GADL1: variants seen among roughly 807,000 people sequenced by gnomAD.
GADL1 encodes the protein GAD like acidic amino acid decarboxylase 1.
In GADL1, 71 loss-of-function variants were observed where a neutral mutation model predicts 69.5. That is an observed-to-expected ratio of 1.02 (90% CI 0.84 to 1.25). The LOEUF (loss-of-function observed/expected upper bound fraction) is 1.25, where lower values mean the gene tolerates loss of function less well. Among genes scored for constraint, GADL1 ranks in the 50% most tolerant of loss-of-function variants. The pLI is 0.00. For synonymous variants in GADL1, 254 were observed against 214.4 expected, an observed-to-expected ratio of 1.18 and a Z score of -1.62; for missense variants, 737 against 631.8, an observed-to-expected ratio of 1.17 and a Z score of -1.79.
intron 9 of GADL1, among the ~76,000 whole-genome samples, chr3:30,836,099 C>A (rs1279028776): frequency 1.3e-5 from 2 of 151,884 alleles, no homozygotes; most frequent in Non-Finnish European, 2.9e-5. Flanking sequence ...TTCTCTTATC[C>A]CCCAACCTCT....
chr3:30,800,018 T>C (rs1044406154), intron 12 of GADL1: 1 of 152,344 alleles, frequency 6.6e-6, no homozygotes, highest in Non-Finnish European at 1.5e-5. Context: ...TGAATTTTCC[T>C]GTCTTCTTCT....
intron 11 of GADL1, among the ~76,000 whole-genome samples, chr3:30,820,917 C>T (rs1167796112): frequency 6.6e-6 from 1 of 151,702 alleles, no homozygotes; most frequent in African/African-American, 2.4e-5. Context: ...GACTTGGAAC[C>T]AACCCAAATG....
chr3:30,868,982 A>G (rs7609812), intron 1 of GADL1, among the ~76,000 whole-genome samples: 49,511 of 151,354 alleles, frequency 0.33, 8,710 homozygotes, highest in East Asian at 0.57. Flanking sequence ...AGGCCGGTCC[A>G]AGAGAGTCTG....
intron 4 of GADL1, among the ~76,000 whole-genome samples, chr3:30,851,562 G>A (rs1367275484): frequency 6.6e-6 from 1 of 152,136 alleles, no homozygotes; most frequent in African/African-American, 2.4e-5. Context: ...TCAGAGCATT[G>A]ATGTTTTAGC....
chr3:30,728,652 G>A (rs1366334240), intron 14 of GADL1, among the ~76,000 whole-genome samples: 1 of 152,134 alleles, frequency 6.6e-6, no homozygotes, highest in East Asian at 1.9e-4. Flanking sequence ...TGCTACTAAT[G>A]TGCCCATTTA....
chr3:30,819,190 TG>T (rs1411198753), intron 11 of GADL1, among the ~76,000 whole-genome samples: 1 of 134,454 alleles, frequency 7.4e-6, no homozygotes, highest in Admixed American at 7.6e-5. Context: ...TATTCTTTCT[TG>T]GTGCCCCGGG....
At chr3:30,858,326 T>C (rs1698260042) in intron 2 of GADL1, among the ~76,000 whole-genome samples, 1 of 152,038 alleles carries the variant, frequency 6.6e-6, no homozygotes, top group Admixed American at 6.6e-5. Context: ...TTAAAATGTT[T>C]AGGACAGGGG....
At chr3:30,849,880 TG>T in intron 6 of GADL1, 115 bp downstream of exon 6, 1 of 636,446 alleles carries the variant, frequency 1.6e-6, no homozygotes, top group East Asian at 2.7e-5. Flanking sequence ...TATGTTATAC[TG>T]CAGCATATTA....
chr3:30,767,931 C>T (rs879751244), intron 14 of GADL1, among the ~76,000 whole-genome samples: 1 of 151,674 alleles, frequency 6.6e-6, no homozygotes, highest in South Asian at 2.1e-4. Context: ...AAAATGAATA[C>T]ACTGACAATC....
At chr3:30,783,318 C>G (rs745863375) in intron 13 of GADL1, among the ~76,000 whole-genome samples, 1 of 152,116 alleles carries the variant, frequency 6.6e-6, no homozygotes, top group Non-Finnish European at 1.5e-5. Flanking sequence ...TCTATTAGAT[C>G]TTAGATCCAA....
At chr3:30,829,018 A>T (rs1332181203) in intron 11 of GADL1, among the ~76,000 whole-genome samples, 2 of 151,888 alleles carry the variant, frequency 1.3e-5, no homozygotes, top group Non-Finnish European at 2.9e-5. Context: ...CTGTCTCATA[A>T]ACACTAAAAA....
At chr3:30,742,330 A>G (rs1695638096) in intron 14 of GADL1, among the ~76,000 whole-genome samples, 1 of 151,406 alleles carries the variant, frequency 6.6e-6, no homozygotes, top group Admixed American at 6.6e-5. Context: ...CATAGATATT[A>G]TACTTTATTT....
chr3:30,766,747 G>A (rs767085994), intron 14 of GADL1, among the ~76,000 whole-genome samples: 2 of 150,146 alleles, frequency 1.3e-5, no homozygotes, highest in Non-Finnish European at 3.0e-5. Flanking sequence ...CAGCTAGACT[G>A]CAGGGGACAT....
In GADL1 at chr3:30,874,269, C is replaced by T. The variant is rs375668012; in HGVS notation, c.38-12504G>A. On this transcript the variant is annotated intron_variant, in intron 1 of 14. Transcript: ENST00000282538. ...GGAGTCATCACAGTAACACAAACTA[C>T]ATTATAGATTGTACCGCTGGAGTGG... 9.7e-4 allele frequency among the ~76,000 whole-genome samples: 148 copies of T among 152,074 alleles called. 1 individual carries two copies. Among genetic ancestry groups the T allele is most frequent in the African/African-American group, 3.4e-3 (143 of 41,530 alleles).
chr3:30,764,068 T>C (rs1300186572), intron 14 of GADL1, among the ~76,000 whole-genome samples: 1 of 152,172 alleles, frequency 6.6e-6, no homozygotes, highest in Non-Finnish European at 1.5e-5. Flanking sequence ...TTGGTCAGAA[T>C]AGCATAGAAA....
intron 13 of GADL1, chr3:30,778,880 T>C (rs1002612050): frequency 2.0e-5 from 3 of 152,232 alleles, no homozygotes; most frequent in Admixed American, 2.0e-4. Flanking sequence ...TAGATTCTCA[T>C]AGGAACTCAG....
intron 1 of GADL1, among the ~76,000 whole-genome samples, chr3:30,867,729 T>G (rs575270378): frequency 1.3e-5 from 2 of 152,016 alleles, no homozygotes; most frequent in African/African-American, 4.8e-5. Flanking sequence ...TATCTACCAT[T>G]AGCAAGGCAT....
At chr3:30,752,315 G>A (rs1695841967) in intron 14 of GADL1, among the ~76,000 whole-genome samples, 1 of 142,596 alleles carries the variant, frequency 7.0e-6, no homozygotes, top group African/African-American at 2.4e-5. Context: ...GGCGTTGTAG[G>A]GGCCTATCTC....
At chr3:30,768,533 T>G in intron 14 of GADL1, among the ~76,000 whole-genome samples, 1 of 137,570 alleles carries the variant, frequency 7.3e-6, no homozygotes, top group Non-Finnish European at 1.6e-5. Flanking sequence ...AGAATGAAAT[T>G]TTGAGAAGGA....
Sources: gnomAD v4.1 joint callset for allele counts (sites outside exome capture counted in the v4.1 genomes callset) on GRCh38, gnomAD v4.1.1 for gene constraint, MANE v1.5 for transcripts, NCBI Gene and HGNC (gene_info 2026-07-23, HGNC 2026-07-21) for gene names.